Variants in GAD2 observed in about 807,000 individuals in gnomAD.
GAD2 encodes the protein 65 kDa glutamic acid decarboxylase.
Under a neutral mutation model 80.1 loss-of-function variants are expected in GAD2, and 22 were observed. That is an observed-to-expected ratio of 0.27 (90% CI 0.20 to 0.39). GAD2 has a LOEUF of 0.39. Ranked by LOEUF, GAD2 falls within the 10% of genes least tolerant of loss-of-function variation. The pLI, the probability that GAD2 is intolerant of heterozygous loss-of-function variation, is 1.00. For missense variants in GAD2, 624 were observed against 738.4 expected (o/e 0.85, Z 1.80); for synonymous variants, 274 against 256.9 (o/e 1.07, Z -0.64).
Position 26,300,984 on chromosome 10 carries a change from C to T in GAD2, c.*23C>T, listed in dbSNP as rs1244369045. On this transcript the variant is annotated 3_prime_UTR_variant, in exon 16 of 16. Transcript: ENST00000376261. The stretch of plus-strand genomic sequence containing the variant: ...TAATAACCTTGCTCACCAAGCTGTT[C>T]CACTTCTCTAGGTAGACAATTAAGT... The T allele has an allele frequency of 6.3e-7, 1 of 1,593,336 alleles. No homozygotes were observed. The highest frequency in any genetic ancestry group is 1.3e-5 in the African/African-American group (1 of 74,422).
chr10:26,273,508 C>T, intron 10 of GAD2, 128 bp from the exon 11 acceptor site: 1 of 732,146 alleles, frequency 1.4e-6, no homozygotes, highest in Non-Finnish European at 2.4e-6. Flanking sequence ...AAGGTTAGTG[C>T]CAGAAGGAGG....
chr10:26,241,832 G>T (rs183355768), intron 7 of GAD2, among the ~76,000 whole-genome samples: 28 of 152,194 alleles, frequency 1.8e-4, no homozygotes, highest in African/African-American at 6.7e-4. Flanking sequence ...CTGAGGTGTA[G>T]TTTGCGTCCT....
intron 4 of GAD2, among the ~76,000 whole-genome samples, chr10:26,222,823 CTTG>C (rs1844469887): frequency 6.6e-6 from 1 of 152,210 alleles, no homozygotes; most frequent in South Asian, 2.1e-4. Flanking sequence ...CTTCCTTTAT[CTTG>C]TTTTGCCTGT....
chr10:26,234,505 A>G (rs1014359048), intron 7 of GAD2, among the ~76,000 whole-genome samples: 1 of 152,122 alleles, frequency 6.6e-6, no homozygotes, highest in Non-Finnish European at 1.5e-5. Context: ...CTTTTTTTGC[A>G]TTCAGTGTAT....
intron 15 of GAD2, among the ~76,000 whole-genome samples, chr10:26,294,210 GC>G (rs932594934): frequency 1.5e-4 from 23 of 152,316 alleles, no homozygotes; most frequent in African/African-American, 5.5e-4. Context: ...ACTGCCAAGA[GC>G]CCCGCAGGCT....
At chr10:26,292,291 G>C (rs989319216) in intron 13 of GAD2, among the ~76,000 whole-genome samples, 174 bp from the exon 14 acceptor site, 3 of 152,156 alleles carry the variant, frequency 2.0e-5, no homozygotes, top group East Asian at 1.9e-4. Context: ...AGCACCTGAC[G>C]GGGAGAGCAT....
rs539887220 is a variant in GAD2, at chr10:26,257,295, T to C, written c.920+11295T>C. Among the ~76,000 whole-genome samples the C allele has an allele frequency of 1.6e-3, 237 of 152,268 alleles. 1 individual carries two copies. The highest frequency in any genetic ancestry group is 5.6e-3 in the African/African-American group (232 of 41,552). On this transcript the variant is annotated intron_variant, in intron 8 of 15. Coordinates refer to ENST00000376261, the MANE Select transcript of GAD2 (RefSeq NM_001134366.2). ...GGGAGGCTGAGGCAGGAAAATCACT[T>C]GAACCCGGGAGGCAGAGGTTGCAGT... is the stretch of plus-strand genomic sequence containing the variant.
chr10:26,265,158 T>C (rs1564666372), intron 8 of GAD2, among the ~76,000 whole-genome samples: 1 of 152,166 alleles, frequency 6.6e-6, no homozygotes, highest in Non-Finnish European at 1.5e-5. Flanking sequence ...TCCTGGGATT[T>C]TTCCAGTCAA....
At chr10:26,273,787 GA>G (rs1845166401) in intron 11 of GAD2, 87 bp downstream of exon 11, 1 of 1,137,522 alleles carries the variant, frequency 8.8e-7, no homozygotes, top group Non-Finnish European at 1.3e-6. Context: ...GGAACTTTTG[GA>G]ATACTGAGTG....
chr10:26,255,486 G>T (rs1331352018), intron 8 of GAD2, among the ~76,000 whole-genome samples: 2 of 152,064 alleles, frequency 1.3e-5, no homozygotes, highest in Non-Finnish European at 2.9e-5. Context: ...TGAAGCTGGA[G>T]GGGAGCTTTG....
At chr10:26,300,445 T>TG (rs1166357328) in intron 15 of GAD2, among the ~76,000 whole-genome samples, 1 of 152,088 alleles carries the variant, frequency 6.6e-6, no homozygotes, top group African/African-American at 2.4e-5. Flanking sequence ...ACATTTACTG[T>TG]GGGGGGAAAA....
Position 26,217,790 on chromosome 10 carries a change from A to G in GAD2, c.137-52A>G. ...GGCTGCGGGTAGGCGGGAGCGAGGGAGCCGGGCCCGGCGGAGGATTGACGA... is the reference window on the plus strand; with the variant it reads ...GGCTGCGGGTAGGCGGGAGCGAGGGGGCCGGGCCCGGCGGAGGATTGACGA... On this transcript the variant is annotated intron_variant, in intron 2 of 15. Transcript: ENST00000376261. The surrounding 1 kb of genome is among the most constrained non-coding windows in gnomAD (Gnocchi z 4.9). The G allele has an allele frequency of 6.3e-7, 1 of 1,579,980 alleles. No individual in the cohort carries two copies. Among genetic ancestry groups the G allele is most frequent in the Non-Finnish European group, 8.6e-7 (1 of 1,162,122 alleles).
intron 8 of GAD2, among the ~76,000 whole-genome samples, chr10:26,259,382 T>C (rs1356882229): frequency 2.0e-5 from 3 of 152,206 alleles, no homozygotes; most frequent in Non-Finnish European, 4.4e-5. Flanking sequence ...GGGTTTTTGG[T>C]TCGTTTGCTT....
intron 11 of GAD2, among the ~76,000 whole-genome samples, chr10:26,279,434 C>G (rs949995501): frequency 6.6e-6 from 1 of 152,130 alleles, no homozygotes; most frequent in African/African-American, 2.4e-5. Flanking sequence ...CGAAGAGACC[C>G]AAGACCTAAG....
intron 15 of GAD2, among the ~76,000 whole-genome samples, chr10:26,299,652 C>G (rs1296548672): frequency 6.6e-6 from 1 of 152,222 alleles, no homozygotes; most frequent in Non-Finnish European, 1.5e-5. Context: ...GACACTGTGT[C>G]TGCCCTCCAG....
At chr10:26,255,788 A>T (rs1416954111) in intron 8 of GAD2, among the ~76,000 whole-genome samples, 3 of 152,182 alleles carry the variant, frequency 2.0e-5, no homozygotes, top group Admixed American at 1.3e-4. Flanking sequence ...ATTGTGTAGG[A>T]TCTTTCCCTG....
chr10:26,230,567 A>G (rs1414799735), intron 7 of GAD2, among the ~76,000 whole-genome samples: 1 of 152,070 alleles, frequency 6.6e-6, no homozygotes. Flanking sequence ...CCTGGATAGC[A>G]GGGACTCCAG....
At chr10:26,277,817 T>A (rs920060319) in intron 11 of GAD2, among the ~76,000 whole-genome samples, 8 of 151,976 alleles carry the variant, frequency 5.3e-5, no homozygotes, top group Non-Finnish European at 1.0e-4. Context: ...AAAGAATCAA[T>A]CTAGAAGGTT....
At chr10:26,272,426 A>G (rs544526939) in intron 10 of GAD2, among the ~76,000 whole-genome samples, 5 of 152,208 alleles carry the variant, frequency 3.3e-5, no homozygotes, top group Non-Finnish European at 7.3e-5. Flanking sequence ...AGAACTAGGG[A>G]ATCTTTTAAC....
Sources: allele counts gnomAD v4.1 joint callset (sites outside exome capture counted in the v4.1 genomes callset), GRCh38; gene constraint gnomAD v4.1.1; non-coding constraint Gnocchi (gnomAD v3.1); transcripts MANE v1.5; gene names NCBI Gene and HGNC (gene_info 2026-07-23, HGNC 2026-07-21).